The following PCDHA11 variants were observed in gnomAD, a reference collection of about 807,000 sequenced individuals.
The protein encoded by PCDHA11 is protocadherin alpha-11.
A neutral mutation model predicts 70.3 loss-of-function variants in PCDHA11; 61 were observed. The observed-to-expected ratio is 0.87, with a 90% confidence interval of 0.71 to 1.07. The LOEUF (loss-of-function observed/expected upper bound fraction) is 1.07, where lower values mean the gene tolerates loss of function less well. Ranked by LOEUF, PCDHA11 falls within the 50% of genes least tolerant of loss-of-function variation. PCDHA11 has a pLI of 0.00. For synonymous variants in PCDHA11, 633 were observed against 555.1 expected, an observed-to-expected ratio of 1.14 and a Z score of -1.97; for missense variants, 1,324 against 1,237.5, an observed-to-expected ratio of 1.07 and a Z score of -1.05.
At chr5:140,985,974 C>T (rs562510809) in intron 3 of PCDHA11, among the ~76,000 whole-genome samples, 3 of 152,198 alleles carry the variant, frequency 2.0e-5, no homozygotes, top group Admixed American at 1.3e-4. Context: ...CTCCTGACCT[C>T]GTGATCCGCC....
chr5:140,976,685 T>TTGC (rs1279936534), intron 1 of PCDHA11, among the ~76,000 whole-genome samples: 2 of 152,238 alleles, frequency 1.3e-5, no homozygotes, highest in East Asian at 3.8e-4. Flanking sequence ...TTTTGCAATT[T>TTGC]AAGTACAATA....
At chr5:140,945,761 G>T (rs2093839627) in intron 1 of PCDHA11, among the ~76,000 whole-genome samples, 1 of 152,118 alleles carries the variant, frequency 6.6e-6, no homozygotes, top group East Asian at 1.9e-4. Flanking sequence ...AATGGTGGTG[G>T]GACAATTTGA....
chr5:140,874,587 T>A (rs1221042797), intron 1 of PCDHA11, among the ~76,000 whole-genome samples: 1 of 152,256 alleles, frequency 6.6e-6, no homozygotes, highest in Admixed American at 6.5e-5. Flanking sequence ...TGCTTTGGGA[T>A]AGTGTGAAAT....
Position 140,870,311 on chromosome 5 carries a change from A to C in PCDHA11, c.1208A>C (p.Tyr403Ser), listed in dbSNP as rs143855054. The C allele has an allele frequency of 1.9e-6, 3 of 1,614,154 alleles. No homozygotes were observed. In the African/African-American group the frequency reaches 4.0e-5, roughly 22 times the overall value. The change falls in exon 1 of 4, where the codon TAC (tyrosine) becomes TCC (serine). Residue 403 changes from tyrosine (Y) to serine (S), a missense_variant. Transcript: ENST00000398640. ...PFKLVSTFKN[Y>S]YSLVLDSALD... ...AAGCTGGTGTCCACCTTCAAGAATT[A>C]CTACTCGTTGGTGCTGGACAGCGCC...
intron 1 of PCDHA11, chr5:140,882,537 T>C (rs1582624652): frequency 6.2e-7 from 1 of 1,614,176 alleles, no homozygotes; most frequent in East Asian, 2.2e-5. Context: ...AATTCTCGGA[T>C]CGACCGCGAG....
chr5:140,961,929 G>C (rs1387333199), intron 1 of PCDHA11, among the ~76,000 whole-genome samples: 1 of 151,712 alleles, frequency 6.6e-6, no homozygotes, highest in Non-Finnish European at 1.5e-5. Context: ...TGTTGCCCAG[G>C]CTGGAGTGCA....
intron 3 of PCDHA11, among the ~76,000 whole-genome samples, chr5:140,994,104 T>C (rs1356172498): frequency 6.6e-6 from 1 of 152,210 alleles, no homozygotes; most frequent in Non-Finnish European, 1.5e-5. Context: ...ATGGAAATAT[T>C]ACATTGTCAT....
chr5:140,967,889 C>T, intron 1 of PCDHA11: 1 of 1,614,146 alleles, frequency 6.2e-7, no homozygotes, highest in Non-Finnish European at 8.5e-7. Context: ...TAGCCCAGTG[C>T]CTGAGAATGC....
At position 140,929,057 on chromosome 5, in the gene PCDHA11, C is replaced by G. The variant is rs17844370; in HGVS notation, c.2392-49892C>G. The stretch of plus-strand genomic sequence containing the variant: ...TGCGCTCAGAGCTGCTGTCGCTCTA[C>G]AGAGGATCTGAGGTATGGAAGTAAG... On this transcript the variant is annotated intron_variant, in intron 1 of 3. Coordinates refer to ENST00000398640, the MANE Select transcript of PCDHA11 (RefSeq NM_018902.5). 3 of 1,614,070 alleles carry G rather than the reference C, an allele frequency of 1.9e-6. No individual in the cohort carries two copies. The African/African-American group carries it at 4.0e-5, about 22-fold the overall frequency.
intron 1 of PCDHA11, among the ~76,000 whole-genome samples, chr5:140,873,773 G>A (rs1554166889): frequency 6.6e-6 from 1 of 152,120 alleles, no homozygotes; most frequent in Non-Finnish European, 1.5e-5. Context: ...CAATTCTCCT[G>A]CCTCAGCTTT....
At chr5:140,876,740 T>G (rs782650836) in intron 1 of PCDHA11, 2 of 1,614,236 alleles carry the variant, frequency 1.2e-6, no homozygotes, top group East Asian at 4.5e-5. Context: ...GCCTATGAGC[T>G]GGTGGTGACT....
rs1419215366 is a variant in PCDHA11, at chr5:141,010,888, T to G, written c.*951T>G. 2 of 153,748 alleles carry G rather than the reference T, an allele frequency of 1.3e-5. No homozygotes were observed. The highest frequency in any genetic ancestry group is 2.9e-5 in the Non-Finnish European group (2 of 68,032). The allele number at this position is 153,748 out of a possible 1,614,324, so 9.5% of individuals were successfully genotyped here. On this transcript the variant is annotated 3_prime_UTR_variant, in exon 4 of 4. Coordinates refer to ENST00000398640, the MANE Select transcript of PCDHA11 (RefSeq NM_018902.5). Reference sequence around the variant, plus strand: ...AGCTATAAATCTTTAAAGAGAAATATGAATACAATTCCCCTAAACTCTCCT... The same window carrying G: ...AGCTATAAATCTTTAAAGAGAAATAGGAATACAATTCCCCTAAACTCTCCT...
At chr5:140,885,809 T>G (rs1208963596) in intron 1 of PCDHA11, among the ~76,000 whole-genome samples, 1 of 152,320 alleles carries the variant, frequency 6.6e-6, no homozygotes, top group African/African-American at 2.4e-5. Flanking sequence ...ATTTTGTTGA[T>G]TTGTATTTGA....
At chr5:140,883,126 G>T (rs781992873) in intron 1 of PCDHA11, 1 of 1,614,036 alleles carries the variant, frequency 6.2e-7, no homozygotes, top group Non-Finnish European at 8.5e-7. Context: ...GGCCTGTATG[G>T]CCTGCAGTGG....
chr5:140,901,953 G>T (rs545807968), intron 1 of PCDHA11, among the ~76,000 whole-genome samples: 1 of 151,712 alleles, frequency 6.6e-6, no homozygotes, highest in African/African-American at 2.4e-5. Flanking sequence ...AGTTTTATTC[G>T]TGGCTATCGT....
intron 1 of PCDHA11, among the ~76,000 whole-genome samples, chr5:140,911,737 G>A (rs187858302): frequency 3.4e-4 from 51 of 152,238 alleles, no homozygotes; most frequent in African/African-American, 9.9e-4. Flanking sequence ...TTCGTGCCAA[G>A]GACTATCAGT....
At position 140,870,592 on chromosome 5, in the gene PCDHA11, C is replaced by T. The variant is rs202164332; in HGVS notation, c.1489C>T (p.Arg497Trp). The T allele has an allele frequency of 8.8e-4, 1,421 of 1,613,554 alleles. 8 individuals carry two copies. The African/African-American group carries it at 0.017, about 19-fold the overall frequency. Residue 497 changes from arginine to tryptophan, a missense_variant, in exon 1 of 4, where the codon CGG becomes TGG. By Grantham distance (101) the Arg-to-Trp change is moderately radical. Coordinates refer to ENST00000398640, the MANE Select transcript of PCDHA11 (RefSeq NM_018902.5). ...GGTGTCCTACTCGCTGGTGGAGCGGCGGTTGGGCGACCGCGCGCTGTCGAG... is the reference window on the plus strand; with the variant it reads ...GGTGTCCTACTCGCTGGTGGAGCGGTGGTTGGGCGACCGCGCGCTGTCGAG... ...ALVSYSLVER[R>W]LGDRALSSYV... is the part of the protein sequence containing the mutation.
At chr5:140,907,970 A>C (rs1312755290) in intron 1 of PCDHA11, among the ~76,000 whole-genome samples, 3 of 152,158 alleles carry the variant, frequency 2.0e-5, no homozygotes, top group Admixed American at 2.0e-4. Flanking sequence ...CAATTTTCCA[A>C]TCATGCTTCT....
intron 1 of PCDHA11, among the ~76,000 whole-genome samples, chr5:140,914,765 T>A (rs2076829694): frequency 6.6e-6 from 1 of 152,080 alleles, no homozygotes. Flanking sequence ...TTACATGAGG[T>A]TTATGACTTA....
Sources: allele counts gnomAD v4.1 joint callset (sites outside exome capture counted in the v4.1 genomes callset), GRCh38; gene constraint gnomAD v4.1.1; transcripts MANE v1.5; gene names NCBI Gene and HGNC (gene_info 2026-07-23, HGNC 2026-07-21).